SNAP47: variants seen among roughly 807,000 people sequenced by gnomAD.
SNAP47 encodes synaptosomal-associated protein 47.
SNAP47 carries 20 observed loss-of-function variants against 31.4 expected under a neutral mutation model. The ratio of observed to expected loss-of-function variants is 0.64; its 90% CI spans 0.45 to 0.93. SNAP47 has a LOEUF of 0.93. Among genes scored for constraint, SNAP47 ranks in the 40% least tolerant of loss-of-function variants. The pLI, the probability that SNAP47 is intolerant of heterozygous loss-of-function variation, is 0.00. For missense variants in SNAP47, 492 were observed against 528.5 expected, an observed-to-expected ratio of 0.93 and a Z score of 0.68; for synonymous variants, 194 against 213.4, an observed-to-expected ratio of 0.91 and a Z score of 0.79.
intron 2 of SNAP47, among the ~76,000 whole-genome samples, chr1:227,753,025 G>T (rs930229981): frequency 6.6e-6 from 1 of 152,180 alleles, no homozygotes; most frequent in Non-Finnish European, 1.5e-5. Flanking sequence ...TCTGTTGAAG[G>T]TCCTGTTTTC....
intron 2 of SNAP47, among the ~76,000 whole-genome samples, chr1:227,750,440 T>C (rs531875074): frequency 6.6e-6 from 1 of 152,262 alleles, no homozygotes; most frequent in Non-Finnish European, 1.5e-5. Flanking sequence ...CACAGACACG[T>C]GCAGAGTAGT....
chr1:227,733,756 T>A, upstream of SNAP47: 1 of 1,591,722 alleles, frequency 6.3e-7, no homozygotes. Context: ...AGAGGCCTGG[T>A]CCAACTGAAG....
intron 2 of SNAP47, among the ~76,000 whole-genome samples, chr1:227,749,113 C>G (rs1282684148): frequency 6.6e-6 from 1 of 152,152 alleles, no homozygotes; most frequent in Non-Finnish European, 1.5e-5. Context: ...TGCGTCATGG[C>G]CCGAGCATCT....
At chr1:227,776,459 C>T (rs1053126254) in intron 4 of SNAP47, 3 of 985,780 alleles carry the variant, frequency 3.0e-6, no homozygotes, top group Non-Finnish European at 3.6e-6. Flanking sequence ...GTCTGATTTG[C>T]GCCTCGCCTC....
At chr1:227,739,699 A>C (rs1265043787) in intron 1 of SNAP47, among the ~76,000 whole-genome samples, 1 of 152,214 alleles carries the variant, frequency 6.6e-6, no homozygotes, top group East Asian at 1.9e-4. Context: ...ATGCTGAAAG[A>C]GACCCATTGT....
chr1:227,731,525 G>A (rs1474603248), upstream of SNAP47: 1 of 152,210 alleles, frequency 6.6e-6, no homozygotes, highest in African/African-American at 2.4e-5. Context: ...TCCACTAGAG[G>A]GTTCAGGCCT....
upstream of SNAP47, chr1:227,730,495 G>A (rs376925363): frequency 6.6e-6 from 1 of 151,460 alleles, no homozygotes; most frequent in Admixed American, 6.6e-5. Context: ...TGGAGTCATC[G>A]ATGCCGGCTG....
intron 2 of SNAP47, among the ~76,000 whole-genome samples, chr1:227,751,816 T>G (rs1297083171): frequency 3.9e-5 from 5 of 126,644 alleles, no homozygotes; most frequent in Non-Finnish European, 7.8e-5. Flanking sequence ...CAGGCTGGAG[T>G]GCAGTGGCGC....
chr1:227,754,804 TG>T (rs2102940676), intron 2 of SNAP47, among the ~76,000 whole-genome samples: 1 of 152,264 alleles, frequency 6.6e-6, no homozygotes, highest in Admixed American at 6.5e-5. Flanking sequence ...AACCAGGACC[TG>T]TGAGAGGGAA....
chr1:227,770,995 AG>A (rs1191324864), intron 4 of SNAP47, among the ~76,000 whole-genome samples: 3 of 152,142 alleles, frequency 2.0e-5, no homozygotes, highest in Non-Finnish European at 2.9e-5. Context: ...TTATGGCCAG[AG>A]GGGATGGTGG....
upstream of SNAP47, chr1:227,731,037 C>A (rs969859645): frequency 6.5e-6 from 1 of 152,806 alleles, no homozygotes; most frequent in South Asian, 2.1e-4. Flanking sequence ...TTTGCTACCT[C>A]CCCCTCCTCC....
At chr1:227,774,277 C>T (rs750785499) in intron 4 of SNAP47, among the ~76,000 whole-genome samples, 4 of 152,248 alleles carry the variant, frequency 2.6e-5, no homozygotes, top group African/African-American at 4.8e-5. Context: ...CATTTTGACA[C>T]GTTTGCTAGC....
Position 227,741,013 on chromosome 1 carries a change from G to A in SNAP47, c.-46+5514G>A, listed in dbSNP as rs1661559462. On this transcript the variant is annotated intron_variant, in intron 1 of 4. Coordinates refer to ENST00000617596, the MANE Select transcript of SNAP47 (RefSeq NM_053052.4). The surrounding 1 kb of genome is among the most constrained non-coding windows in gnomAD (Gnocchi z 4.2). ...TAGGGTCAGGGACAGATGCCCAGCGGGTGATAGGGGAGGGCCTGTGAAGTT... is the reference window on the plus strand; with the variant it reads ...TAGGGTCAGGGACAGATGCCCAGCGAGTGATAGGGGAGGGCCTGTGAAGTT... 6.8e-6 allele frequency among the ~76,000 whole-genome samples: 1 copy of A among 147,962 alleles called. No individual in the cohort carries two copies. The highest frequency in any genetic ancestry group is 2.1e-4 in the South Asian group (1 of 4,798).
rs987470698 is a variant in SNAP47 at position 227,763,616 on chromosome 1, C to G, written c.989-3343C>G. ...GGGCTGACTGGGGAGCCTGGGGGTA[C>G]TGCATCAGCTGGCCTGGAGCCTATC... On this transcript the variant is annotated intron_variant, in intron 3 of 4. Transcript: ENST00000617596. The surrounding 1 kb of genome is among the most constrained non-coding windows in gnomAD (Gnocchi z 4.2). Among the ~76,000 whole-genome samples the G allele has an allele frequency of 6.6e-6, 1 of 152,198 alleles. No homozygotes were observed. Among genetic ancestry groups the G allele is most frequent in the Admixed American group, 6.5e-5 (1 of 15,274 alleles).
At chr1:227,756,621 G>A (rs1429412497) in intron 2 of SNAP47, among the ~76,000 whole-genome samples, 1 of 152,224 alleles carries the variant, frequency 6.6e-6, no homozygotes, top group East Asian at 1.9e-4. Context: ...CTCTGCCCAC[G>A]TGTATTTCCA....
chr1:227,738,632 A>G (rs1661392830), intron 1 of SNAP47, among the ~76,000 whole-genome samples: 1 of 152,164 alleles, frequency 6.6e-6, no homozygotes, highest in South Asian at 2.1e-4. Context: ...ATTGACCTTA[A>G]TTGATCTTGC....
Position 227,780,683 on chromosome 1 carries a change from G to T in SNAP47, c.*10G>T. 6.2e-7 allele frequency: 1 copy of T among 1,613,942 alleles called. No homozygotes were observed. Among genetic ancestry groups the T allele is most frequent in the Non-Finnish European group, 8.5e-7 (1 of 1,179,954 alleles). ...GAAGAGGCTGACCTAGGGGCAGAAC[G>T]TCCCTGCATTCCTGTCTCACCCTGC... On this transcript the variant is annotated 3_prime_UTR_variant, in exon 5 of 5. Transcript: ENST00000617596.
rs114083592 is a variant in SNAP47, at chr1:227,777,633, A to G, written c.1114-2894A>G. 8.6e-3 allele frequency among the ~76,000 whole-genome samples: 1,304 copies of G among 152,298 alleles called. 25 individuals are homozygous for G. The highest frequency in any genetic ancestry group is 0.03 in the African/African-American group (1,232 of 41,544). On this transcript the variant is annotated intron_variant, in intron 4 of 4. Coordinates refer to ENST00000617596, the MANE Select transcript of SNAP47 (RefSeq NM_053052.4). Reference sequence around the variant, plus strand: ...GTATGTCAAATGGTACTCTATGTCTATTGGGTTCAGTACAGTATTTTATTT... The same window carrying G: ...GTATGTCAAATGGTACTCTATGTCTGTTGGGTTCAGTACAGTATTTTATTT...
chr1:227,776,118 C>T, intron 4 of SNAP47: 1 of 1,164,850 alleles, frequency 8.6e-7, no homozygotes, highest in Non-Finnish European at 1.1e-6. Flanking sequence ...GGCTGCTCCC[C>T]TTCCTGGCTC....
Sources: gnomAD v4.1 joint callset for allele counts (sites outside exome capture counted in the v4.1 genomes callset) on GRCh38, gnomAD v4.1.1 for gene constraint, Gnocchi (gnomAD v3.1) non-coding constraint, MANE v1.5 for transcripts, NCBI Gene and HGNC (gene_info 2026-07-23, HGNC 2026-07-21) for gene names.